TMEM132D: variants seen among roughly 807,000 people sequenced by gnomAD.
TMEM132D encodes the protein transmembrane protein 132D.
TMEM132D carries 21 observed loss-of-function variants against 62.3 expected under a neutral mutation model. That is an observed-to-expected ratio of 0.34 (90% CI 0.24 to 0.49). The LOEUF (loss-of-function observed/expected upper bound fraction) is 0.49. Ranked by LOEUF, TMEM132D falls within the 20% of genes least tolerant of loss-of-function variation. TMEM132D has a pLI of 0.99. For missense variants in TMEM132D, 1,346 were observed against 1,402.8 expected, an observed-to-expected ratio of 0.96 and a Z score of 0.65; for synonymous variants, 621 against 575.6, an observed-to-expected ratio of 1.08 and a Z score of -1.13.
intron 5 of TMEM132D, among the ~76,000 whole-genome samples, chr12:129,208,269 C>T (rs376693869): frequency 7.9e-5 from 12 of 152,232 alleles, no homozygotes; most frequent in African/African-American, 2.9e-4. Flanking sequence ...TTGATGAAGG[C>T]TTGGGTGTGC....
intron 1 of TMEM132D, among the ~76,000 whole-genome samples, chr12:129,750,771 A>G (rs1869973724): frequency 6.6e-6 from 1 of 152,174 alleles, no homozygotes; most frequent in African/African-American, 2.4e-5. Flanking sequence ...GTGCTGCGCC[A>G]TAGTAGGGTG....
At chr12:129,594,979 A>G (rs1593080882) in intron 2 of TMEM132D, among the ~76,000 whole-genome samples, 1 of 152,362 alleles carries the variant, frequency 6.6e-6, no homozygotes, top group East Asian at 1.9e-4. Context: ...GCTGAAAGCA[A>G]AGTATGAACC....
chr12:129,682,358 A>G (rs1440673318), intron 2 of TMEM132D, among the ~76,000 whole-genome samples: 2 of 152,158 alleles, frequency 1.3e-5, no homozygotes, highest in Admixed American at 6.5e-5. Context: ...AGGCCCAGTG[A>G]GCTTCAGTGA....
intron 5 of TMEM132D, among the ~76,000 whole-genome samples, chr12:129,133,742 C>T (rs1205005932): frequency 1.3e-5 from 2 of 152,266 alleles, no homozygotes; most frequent in Non-Finnish European, 2.9e-5. Context: ...CCAGTCCCTG[C>T]ATAGGCACTT....
intron 5 of TMEM132D, among the ~76,000 whole-genome samples, chr12:129,098,849 C>G (rs1204045491): frequency 6.6e-6 from 1 of 152,122 alleles, no homozygotes; most frequent in Non-Finnish European, 1.5e-5. Context: ...ACTGAATAAG[C>G]AGCCTCAAGG....
intron 4 of TMEM132D, among the ~76,000 whole-genome samples, chr12:129,254,140 G>A (rs188020745): frequency 3.0e-4 from 46 of 152,154 alleles, no homozygotes; most frequent in Admixed American, 1.8e-3. Flanking sequence ...CTCCACATTC[G>A]GGGAGTTATG....
chr12:129,720,489 C>T (rs1322899287), intron 1 of TMEM132D, among the ~76,000 whole-genome samples: 1 of 152,250 alleles, frequency 6.6e-6, no homozygotes, highest in East Asian at 1.9e-4. Flanking sequence ...CTGAAAAATT[C>T]TTCTGATTGA....
chr12:129,799,563 A>G (rs191896361), intron 1 of TMEM132D, among the ~76,000 whole-genome samples: 5 of 152,124 alleles, frequency 3.3e-5, no homozygotes, highest in African/African-American at 1.2e-4. Flanking sequence ...TCCACCGAGC[A>G]TGTGACCCAT....
chr12:129,405,987 C>G (rs1414614536), intron 3 of TMEM132D, among the ~76,000 whole-genome samples: 1 of 152,168 alleles, frequency 6.6e-6, no homozygotes, highest in Non-Finnish European at 1.5e-5. Context: ...CCTCAAACAT[C>G]TATAAAACCC....
At chr12:129,678,961 CATTT>C (rs1166047561) in intron 2 of TMEM132D, among the ~76,000 whole-genome samples, 4 of 151,802 alleles carry the variant, frequency 2.6e-5, no homozygotes, top group Non-Finnish European at 4.4e-5. Flanking sequence ...TTTTTCTGTT[CATTT>C]GTTATTTATC....
chr12:129,314,926 C>T (rs1013525310), intron 4 of TMEM132D, among the ~76,000 whole-genome samples: 28 of 151,866 alleles, frequency 1.8e-4, no homozygotes, highest in African/African-American at 5.8e-4. Flanking sequence ...GGGATGAGTT[C>T]TTGATTTGAT....
At chr12:129,521,891 C>T (rs1198664198) in intron 3 of TMEM132D, 1 of 148,974 alleles carries the variant, frequency 6.7e-6, no homozygotes, top group Non-Finnish European at 1.5e-5. Context: ...GAAATAAAAA[C>T]TTCATGCAAA....
intron 2 of TMEM132D, among the ~76,000 whole-genome samples, chr12:129,573,424 G>A (rs1314713113): frequency 6.6e-6 from 1 of 152,140 alleles, no homozygotes; most frequent in Non-Finnish European, 1.5e-5. Context: ...GCTTCAGCTT[G>A]TGGAGCATCC....
chr12:129,594,746 A>G (rs1230626447), intron 2 of TMEM132D, among the ~76,000 whole-genome samples: 1 of 152,194 alleles, frequency 6.6e-6, no homozygotes, highest in Non-Finnish European at 1.5e-5. Context: ...AGTTCCCGGT[A>G]GCAGGAGTGT....
chr12:129,588,808 T>G (rs12581433), intron 2 of TMEM132D, among the ~76,000 whole-genome samples: 2 of 149,268 alleles, frequency 1.3e-5, no homozygotes. Context: ...TATACTCATT[T>G]ATAAATCCAA....
intron 1 of TMEM132D, among the ~76,000 whole-genome samples, chr12:129,731,958 G>A (rs1299307310): frequency 2.0e-5 from 3 of 152,130 alleles, no homozygotes; most frequent in Non-Finnish European, 2.9e-5. Flanking sequence ...CACCGTGCCC[G>A]GCCAGAAATT....
At chr12:129,192,193 C>A (rs1043624674) in intron 5 of TMEM132D, among the ~76,000 whole-genome samples, 1 of 152,080 alleles carries the variant, frequency 6.6e-6, no homozygotes, top group Non-Finnish European at 1.5e-5. Flanking sequence ...TGGAAGAGAC[C>A]CCTGGGGCCT....
chr12:129,591,085 C>T (rs1039271999), intron 2 of TMEM132D, among the ~76,000 whole-genome samples: 5 of 152,104 alleles, frequency 3.3e-5, no homozygotes, highest in East Asian at 1.9e-4. Context: ...GAAGGCAGAA[C>T]GTCTCCAAAC....
At chr12:129,406,507 C>G (rs1214009088) in intron 3 of TMEM132D, among the ~76,000 whole-genome samples, 1 of 151,904 alleles carries the variant, frequency 6.6e-6, no homozygotes, top group Non-Finnish European at 1.5e-5. Flanking sequence ...GTAATCCCAG[C>G]TACTCGGGAG....
Sources: allele counts gnomAD v4.1 joint callset (sites outside exome capture counted in the v4.1 genomes callset), GRCh38; gene constraint gnomAD v4.1.1; transcripts MANE v1.5; gene names NCBI Gene and HGNC (gene_info 2026-07-23, HGNC 2026-07-21).